Variants in NEIL3 observed in about 807,000 individuals in gnomAD.
NEIL3 encodes the protein endonuclease 8-like 3.
Under a neutral mutation model 57.5 loss-of-function variants are expected in NEIL3, and 48 were observed. The ratio of observed to expected loss-of-function variants is 0.83; its 90% CI spans 0.66 to 1.06. The LOEUF is 1.06. NEIL3 is among the 50% of genes least tolerant of loss of function. The probability of loss-of-function intolerance (pLI) is 0.00; values close to 1 mark genes in which losing one functional copy is unlikely to be tolerated. For missense variants in NEIL3, 717 were observed against 739.1 expected, an observed-to-expected ratio of 0.97 and a Z score of 0.35; for synonymous variants, 261 against 253.2, an observed-to-expected ratio of 1.03 and a Z score of -0.29.
At chr4:177,335,086 TTCTC>T (rs530576549) in intron 2 of NEIL3, among the ~76,000 whole-genome samples, 2 of 152,152 alleles carry the variant, frequency 1.3e-5, no homozygotes, top group East Asian at 1.9e-4. Flanking sequence ...TTTTGACTTG[TTCTC>T]TCTTTTTTTT....
chr4:177,320,212 A>G (rs532625804), intron 1 of NEIL3, among the ~76,000 whole-genome samples: 1 of 152,150 alleles, frequency 6.6e-6, no homozygotes, highest in Non-Finnish European at 1.5e-5. Context: ...TTAAGGAGAA[A>G]AGCATCAAGA....
In NEIL3 at chr4:177,360,490, C is replaced by A. The variant is rs750261980; in HGVS notation, c.1461-13C>A. ...CTCCTATGCTGTACTTATTTTGTAA[C>A]CTGTCATTACAGTGAACTTCAAATT... On this transcript the variant is annotated splice_polypyrimidine_tract_variant and intron_variant, in intron 8 of 9. Transcript: ENST00000264596. The A allele has an allele frequency of 2.5e-6, 4 of 1,608,372 alleles. No individual in the cohort carries two copies. The highest frequency in any genetic ancestry group is 2.2e-5 in the South Asian group (2 of 90,218).
intron 2 of NEIL3, among the ~76,000 whole-genome samples, chr4:177,332,136 G>A (rs533068524): frequency 3.3e-5 from 5 of 152,268 alleles, no homozygotes; most frequent in Admixed American, 6.5e-5. Flanking sequence ...ACCCAAGGTC[G>A]CAGTTTTCTT....
chr4:177,358,589 G>A (rs1735537981), intron 8 of NEIL3, among the ~76,000 whole-genome samples: 1 of 152,172 alleles, frequency 6.6e-6, no homozygotes, highest in Admixed American at 6.5e-5. Context: ...TTACAGGCGT[G>A]AGCCACCATG....
chr4:177,318,380 T>A (rs1259899900), intron 1 of NEIL3, among the ~76,000 whole-genome samples: 1 of 152,182 alleles, frequency 6.6e-6, no homozygotes, highest in Non-Finnish European at 1.5e-5. Context: ...ATACAAAAAA[T>A]TTTACACATT....
chr4:177,370,649 C>T, the NEIL3 span, among the ~76,000 whole-genome samples: 1 of 152,016 alleles, frequency 6.6e-6, no homozygotes, highest in African/African-American at 2.4e-5. Flanking sequence ...GCCTGTAATC[C>T]CAGCATGCTG....
chr4:177,360,742 A>G (rs1735592443), intron 9 of NEIL3, 65 bp downstream of exon 9: 4 of 1,222,550 alleles, frequency 3.3e-6, no homozygotes, highest in Non-Finnish European at 4.5e-6. Context: ...AATGTATAAC[A>G]AATAGCAATA....
chr4:177,329,637 T>C (rs906706346), intron 2 of NEIL3, among the ~76,000 whole-genome samples: 2 of 152,152 alleles, frequency 1.3e-5, no homozygotes, highest in Non-Finnish European at 2.9e-5. Context: ...AATTCAACAC[T>C]CTCTTGTCAG....
At chr4:177,364,023 G>T (rs999772091), downstream of NEIL3, among the ~76,000 whole-genome samples, 1 of 152,318 alleles carries the variant, frequency 6.6e-6, no homozygotes, top group African/African-American at 2.4e-5. Context: ...TGGGATTACA[G>T]GCATGAGCCA....
At chr4:177,312,893 G>A (rs1006413590) in intron 1 of NEIL3, among the ~76,000 whole-genome samples, 4 of 151,622 alleles carry the variant, frequency 2.6e-5, no homozygotes, top group Non-Finnish European at 5.9e-5. Context: ...ATAACCTTTT[G>A]TAAACATGAA....
intron 6 of NEIL3, among the ~76,000 whole-genome samples, chr4:177,348,418 G>A (rs1441315407): frequency 6.6e-6 from 1 of 152,108 alleles, no homozygotes; most frequent in South Asian, 2.1e-4. Flanking sequence ...AGCTCGGAAC[G>A]ATGCAGTATC....
Position 177,336,261 on chromosome 4 carries a change from A to G in NEIL3, c.567A>G (p.Gly189=). Residue 189 remains glycine, a synonymous_variant, in exon 4 of 10, where the codon GGA becomes GGG. Coordinates refer to ENST00000264596, the MANE Select transcript of NEIL3 (RefSeq NM_018248.3). ...TAATGGATCAGAACGTATTGCCTGG[A>G]GTAGGGAACATCATCAAAAATGAAG... ...DVLMDQNVLP[G]VGNIIKNEAL... 1.9e-6 allele frequency: 3 copies of G among 1,614,220 alleles called. No homozygotes were observed. Among genetic ancestry groups the G allele is most frequent in the Non-Finnish European group, 2.5e-6 (3 of 1,180,030 alleles).
chr4:177,341,489 G>A lies in NEIL3; in HGVS notation c.716G>A (p.Gly239Glu), dbSNP rs1486342535. The A allele has an allele frequency of 6.3e-7, 1 of 1,585,106 alleles. No individual in the cohort carries two copies. Among genetic ancestry groups the A allele is most frequent in the Admixed American group, 1.8e-5 (1 of 54,584 alleles). Residue 239 changes from glycine to glutamate, a missense_variant, in exon 6 of 10, where the codon GGA becomes GAA. Transcript: ENST00000264596. ...SILFYRCRKA[G>E]LALSKHYKVY... is the part of the protein sequence containing the mutation. ...TTTTTTTTTTAGTGCCGTAAAGCAG[G>A]ACTTGCTCTCTCTAAACACTATAAG...
chr4:177,322,729 T>C lies in NEIL3; in HGVS notation c.278+149T>C, dbSNP rs548156083. On this transcript the variant is annotated intron_variant, in intron 2 of 9. Transcript: ENST00000264596. ...AATATGAGAGGTTGTGATTCTATCA[T>C]GGAAATCAATAAACAGCAGAAGAAT... The C allele has an allele frequency of 2.5e-4, 212 of 853,844 alleles. No individual in the cohort carries two copies. In the African/African-American group the frequency reaches 3.2e-3, roughly 13 times the overall value. The allele number at this position is 853,844 out of a possible 1,614,324, so 52.9% of individuals were successfully genotyped here.
chr4:177,319,309 T>G (rs1421852113), intron 1 of NEIL3, among the ~76,000 whole-genome samples: 1 of 152,130 alleles, frequency 6.6e-6, no homozygotes, highest in Non-Finnish European at 1.5e-5. Context: ...TGCAGGCCAG[T>G]CAGATGGTTT....
chr4:177,335,037 A>G (rs1186789074), intron 2 of NEIL3, among the ~76,000 whole-genome samples: 1 of 152,226 alleles, frequency 6.6e-6, no homozygotes, highest in African/African-American at 2.4e-5. Flanking sequence ...CAATACATAT[A>G]GAGGTAAAAG....
chr4:177,358,305 T>C (rs887330022), intron 8 of NEIL3, among the ~76,000 whole-genome samples: 2 of 151,272 alleles, frequency 1.3e-5, no homozygotes, highest in African/African-American at 4.8e-5. Flanking sequence ...TTTGTTGTTG[T>C]TTTTTGTTTT....
chr4:177,310,113 A>G lies in NEIL3; in HGVS notation c.156+4A>G, dbSNP rs761121160. 8 of 1,567,148 alleles carry G rather than the reference A, an allele frequency of 5.1e-6. No individual in the cohort carries two copies. The highest frequency in any genetic ancestry group is 6.9e-6 in the Non-Finnish European group (8 of 1,161,532). ...CACGGTTGTGGTCTCCCCGCAGGTG[A>G]GCTACTCCTGTAACAGGCCATGCAG... On this transcript the variant is annotated splice_donor_region_variant and intron_variant, in intron 1 of 9. Transcript: ENST00000264596.
intron 2 of NEIL3, among the ~76,000 whole-genome samples, chr4:177,331,444 T>C (rs1734882953): frequency 6.6e-6 from 1 of 151,572 alleles, no homozygotes; most frequent in Non-Finnish European, 1.5e-5. Flanking sequence ...ATCATTAACA[T>C]ATTAATAACT....
Sources: allele counts gnomAD v4.1 joint callset (sites outside exome capture counted in the v4.1 genomes callset), GRCh38; gene constraint gnomAD v4.1.1; transcripts MANE v1.5; gene names NCBI Gene and HGNC (gene_info 2026-07-23, HGNC 2026-07-21).